Variants in TLN2 observed in about 807,000 individuals in gnomAD.
The protein encoded by TLN2 is talin 2.
In TLN2, 118 loss-of-function variants were observed where a neutral mutation model predicts 294.7. The ratio of observed to expected loss-of-function variants is 0.40; its 90% confidence interval spans 0.34 to 0.47. The LOEUF (loss-of-function observed/expected upper bound fraction) is 0.47, where lower values mean the gene tolerates loss of function less well. TLN2 is among the 20% of genes least tolerant of loss of function. The pLI, the probability that TLN2 is intolerant of heterozygous loss-of-function variation, is 0.84. For missense variants in TLN2, 3,083 were observed against 3,282.2 expected (o/e 0.94, Z 1.48); for synonymous variants, 1,431 against 1,304.5 (o/e 1.10, Z -2.09).
intron 1 of TLN2, among the ~76,000 whole-genome samples, chr15:62,559,948 C>T (rs140116094): frequency 6.6e-6 from 1 of 152,164 alleles, no homozygotes; most frequent in Non-Finnish European, 1.5e-5. Flanking sequence ...AACTAGAGTT[C>T]CACCAAATAG....
At chr15:62,664,463 T>TGAA (rs2054286387) in intron 9 of TLN2, among the ~76,000 whole-genome samples, 1 of 152,100 alleles carries the variant, frequency 6.6e-6, no homozygotes, top group African/African-American at 2.4e-5. Context: ...AATATGAATC[T>TGAA]TTATATTTAA....
intron 3 of TLN2, among the ~76,000 whole-genome samples, chr15:62,631,896 G>A (rs920113223): frequency 6.6e-6 from 1 of 151,970 alleles, no homozygotes; most frequent in Non-Finnish European, 1.5e-5. Flanking sequence ...GTTTTATAGT[G>A]AGGTATTTTT....
intron 1 of TLN2, among the ~76,000 whole-genome samples, chr15:62,435,716 A>G (rs1487536801): frequency 1.3e-5 from 2 of 151,880 alleles, no homozygotes; most frequent in African/African-American, 4.8e-5. Flanking sequence ...TAATTTTTGT[A>G]TTTTTAGTAG....
At chr15:62,762,548 T>C (rs748997332) in intron 39 of TLN2, 95 bp downstream of exon 39, 9 of 1,325,592 alleles carry the variant, frequency 6.8e-6, no homozygotes, top group Admixed American at 2.0e-5. Context: ...AGTGATATTG[T>C]TGATCATTAT....
rs1384422866 is a variant in TLN2, at chr15:62,470,713, C to T, written c.-238+80028C>T. On this transcript the variant is annotated intron_variant, in intron 1 of 58. Coordinates refer to ENST00000636159, the MANE Select transcript of TLN2 (RefSeq NM_015059.3). Reference sequence around the variant, plus strand: ...CCCCAGCCACTGCCTTTGTTACCCACCGAGCCAGTGCAGGCACTGTGCTGG... The same window carrying T: ...CCCCAGCCACTGCCTTTGTTACCCATCGAGCCAGTGCAGGCACTGTGCTGG... Among the ~76,000 whole-genome samples, 4 of 152,318 alleles carry T rather than the reference C, an allele frequency of 2.6e-5. No individual in the cohort carries two copies. The East Asian group carries it at 7.7e-4, about 29-fold the overall frequency.
chr15:62,712,810 T>G (rs2059508328), intron 22 of TLN2, among the ~76,000 whole-genome samples: 1 of 152,200 alleles, frequency 6.6e-6, no homozygotes, highest in Admixed American at 6.5e-5. Context: ...GAGAACTGTT[T>G]TAAATGAATA....
chr15:62,415,933 C>G (rs1424201523), intron 1 of TLN2, among the ~76,000 whole-genome samples: 1 of 152,168 alleles, frequency 6.6e-6, no homozygotes. Context: ...TGGCTTAAAA[C>G]TAATTTAAAG....
intron 1 of TLN2, among the ~76,000 whole-genome samples, chr15:62,515,914 C>A (rs1032827729): frequency 6.6e-6 from 1 of 152,204 alleles, no homozygotes; most frequent in South Asian, 2.1e-4. Flanking sequence ...GCTGGCATGT[C>A]CCGCTGTGCA....
chr15:62,700,167 A>C (rs537419333), intron 16 of TLN2, among the ~76,000 whole-genome samples: 1 of 152,348 alleles, frequency 6.6e-6, no homozygotes, highest in African/African-American at 2.4e-5. Flanking sequence ...TCCCATATCC[A>C]GTATAATTGG....
chr15:62,421,924 T>C (rs2034425036), intron 1 of TLN2, among the ~76,000 whole-genome samples: 1 of 152,106 alleles, frequency 6.6e-6, no homozygotes, highest in Non-Finnish European at 1.5e-5. Flanking sequence ...GAGGAATTAT[T>C]ACTGCATTGG....
chr15:62,709,881 C>A (rs2059313575), intron 21 of TLN2, among the ~76,000 whole-genome samples: 1 of 152,036 alleles, frequency 6.6e-6, no homozygotes, highest in Admixed American at 6.6e-5. Flanking sequence ...ATTACAGGCG[C>A]CTGCCATGAT....
At chr15:62,470,555 C>G (rs2037412031) in intron 1 of TLN2, among the ~76,000 whole-genome samples, 1 of 152,248 alleles carries the variant, frequency 6.6e-6, no homozygotes, top group Non-Finnish European at 1.5e-5. Context: ...GAAGAGGCCA[C>G]AGGCTCCAGG....
At chr15:62,805,519 C>T in intron 50 of TLN2, 81 bp from the exon 51 acceptor site, 2 of 1,413,982 alleles carry the variant, frequency 1.4e-6, no homozygotes, top group Non-Finnish European at 1.9e-6. Context: ...CAGACACAAG[C>T]TACAGCCTGG....
At chr15:62,694,930 C>G (rs1216028904) in intron 14 of TLN2, among the ~76,000 whole-genome samples, 2 of 152,176 alleles carry the variant, frequency 1.3e-5, no homozygotes, top group Admixed American at 6.5e-5. Flanking sequence ...TTACTAAATT[C>G]TCTTCTGGCA....
At chr15:62,824,288 G>T (rs542155390) in intron 54 of TLN2, among the ~76,000 whole-genome samples, 1 of 152,234 alleles carries the variant, frequency 6.6e-6, no homozygotes, top group East Asian at 1.9e-4. Context: ...GAATCCTTAA[G>T]GAATTCAATA....
At chr15:62,624,419 T>G (rs865819640) in intron 3 of TLN2, among the ~76,000 whole-genome samples, 1 of 152,096 alleles carries the variant, frequency 6.6e-6, no homozygotes, top group African/African-American at 2.4e-5. Flanking sequence ...AAGGACGGAG[T>G]GTTCTGTCCC....
chr15:62,480,467 C>T (rs114182369), intron 1 of TLN2, among the ~76,000 whole-genome samples: 1,768 of 152,316 alleles, frequency 0.012, 29 homozygotes, highest in African/African-American at 0.041. Flanking sequence ...CAAGTGATAA[C>T]AGCCACCTCG....
intron 51 of TLN2, among the ~76,000 whole-genome samples, chr15:62,808,059 G>A (rs542794820): frequency 2.8e-4 from 42 of 152,208 alleles, no homozygotes; most frequent in African/African-American, 9.9e-4. Context: ...CCCTAGTCCA[G>A]CTCTGCCTTT....
At chr15:62,600,842 CAAAT>C (rs1163624207) in intron 2 of TLN2, among the ~76,000 whole-genome samples, 3 of 152,076 alleles carry the variant, frequency 2.0e-5, no homozygotes, top group Non-Finnish European at 2.9e-5. Context: ...GTATATGTGT[CAAAT>C]AGATAGAACT....
Sources: gnomAD v4.1 joint callset for allele counts (sites outside exome capture counted in the v4.1 genomes callset) on GRCh38, gnomAD v4.1.1 for gene constraint, MANE v1.5 for transcripts, NCBI Gene and HGNC (gene_info 2026-07-23, HGNC 2026-07-21) for gene names.